The following GATA3 variants were observed in gnomAD, a reference collection of about 807,000 sequenced individuals.
GATA3 encodes trans-acting T-cell-specific transcription factor GATA-3.
A neutral mutation model predicts 36.0 loss-of-function variants in GATA3; 6 were observed. That is an observed-to-expected ratio of 0.17 (90% CI 0.09 to 0.33). The LOEUF is 0.33. Among genes scored for constraint, GATA3 ranks in the 10% least tolerant of loss-of-function variants. GATA3 has a pLI of 1.00. For missense variants in GATA3, 514 were observed against 610.1 expected (o/e 0.84, Z 1.66); for synonymous variants, 326 against 273.0 (o/e 1.19, Z -1.92).
chr10:8,050,062 C>A (rs553964889), upstream of GATA3, among the ~76,000 whole-genome samples: 25 of 152,296 alleles, frequency 1.6e-4, no homozygotes, highest in South Asian at 5.2e-3. Context: ...CCGCTTTCAT[C>A]TTGCCCCAGT....
chr10:8,048,781 C>A (rs1043501010), upstream of GATA3, among the ~76,000 whole-genome samples: 1 of 152,232 alleles, frequency 6.6e-6, no homozygotes, highest in African/African-American at 2.4e-5. Flanking sequence ...TTGTTAAACC[C>A]GAAAGCAGAA....
chr10:8,070,095 G>C (rs1832907001), intron 5 of GATA3, among the ~76,000 whole-genome samples: 1 of 152,184 alleles, frequency 6.6e-6, no homozygotes, highest in Non-Finnish European at 1.5e-5. Context: ...CTACAAATTT[G>C]AAATGGATCC....
chr10:8,069,887 GAAAA>G (rs5783010), intron 5 of GATA3, among the ~76,000 whole-genome samples: 1 of 146,822 alleles, frequency 6.8e-6, no homozygotes, highest in African/African-American at 2.5e-5. Flanking sequence ...GGTTTATAAG[GAAAA>G]AAAAAAAATC....
At chr10:8,050,876 C>T, upstream of GATA3, 1 of 449,508 alleles carries the variant, frequency 2.2e-6, no homozygotes. Context: ...AGGACTTCGA[C>T]CCCGGGGCTC....
Position 8,055,509 on chromosome 10 carries a change from G to A in GATA3, c.-147G>A, listed in dbSNP as rs1266382595. 1.2e-5 allele frequency: 10 copies of A among 868,802 alleles called. No individual in the cohort carries two copies. The highest frequency in any genetic ancestry group is 1.7e-5 in the African/African-American group (1 of 59,570). The allele number at this position is 868,802 out of a possible 1,614,324, so 53.8% of individuals were successfully genotyped here. A position where few individuals can be genotyped will look rare whatever the true frequency, so the allele number is the denominator to read the frequency against. ...CTCCTTTGCTCACCTTTGCTTCCCAGCCTTCCCATCCCCCCACCGAAAGCA... is the reference window on the plus strand; with the variant it reads ...CTCCTTTGCTCACCTTTGCTTCCCAACCTTCCCATCCCCCCACCGAAAGCA... On this transcript the variant is annotated 5_prime_UTR_variant, in exon 2 of 6. Coordinates refer to ENST00000379328, the MANE Select transcript of GATA3 (RefSeq NM_001002295.2). This position sits in a 1 kb window ranked among gnomAD's most constrained non-coding sequence, Gnocchi z 5.4.
At position 8,059,591 on chromosome 10, in the gene GATA3, G is replaced by A. The variant is rs148580673; in HGVS notation, c.778+750G>A. 1.2e-4 allele frequency among the ~76,000 whole-genome samples: 18 copies of A among 152,310 alleles called. No homozygotes were observed. The Middle Eastern group carries it at 0.01, about 86-fold the overall frequency. On this transcript the variant is annotated intron_variant, in intron 3 of 5. Transcript: ENST00000379328. ...GCTTGGCTGAGCTGCAGCCAGAGGA[G>A]GTAGAAAGGAACGGAAAAGTGCTCC...
chr10:8,059,205 G>A (rs1248986462), intron 3 of GATA3, among the ~76,000 whole-genome samples: 1 of 152,196 alleles, frequency 6.6e-6, no homozygotes, highest in African/African-American at 2.4e-5. Flanking sequence ...TAATTCTTGA[G>A]TGTTTCATGC....
In GATA3 at chr10:8,055,406, T is replaced by C; in HGVS notation, c.-250T>C. 2 of 576,962 alleles carry C rather than the reference T, an allele frequency of 3.5e-6. No homozygotes were observed. The highest frequency in any genetic ancestry group is 2.0e-5 in the South Asian group (1 of 49,538). 35.7% of individuals were successfully genotyped at this position (576,962 alleles called of 1,614,324 possible). A position where few individuals can be genotyped will look rare whatever the true frequency, so the allele number is the denominator to read the frequency against. On this transcript the variant is annotated 5_prime_UTR_variant, in exon 2 of 6. Coordinates refer to ENST00000379328, the MANE Select transcript of GATA3 (RefSeq NM_001002295.2). This position sits in a 1 kb window ranked among gnomAD's most constrained non-coding sequence, Gnocchi z 5.4. Reference sequence around the variant, plus strand: ...AACCTGGTCCCGTTTTATTCTGCCGTACCCAGTTTTTGGATTTTTGTCTTC... The same window carrying C: ...AACCTGGTCCCGTTTTATTCTGCCGCACCCAGTTTTTGGATTTTTGTCTTC...
chr10:8,046,706 T>C lies in GATA3; in HGVS notation c.-370+1191T>C, dbSNP rs184917081. Among the ~76,000 whole-genome samples the C allele has an allele frequency of 5.3e-3, 786 of 147,040 alleles. 8 individuals are homozygous for C. The highest frequency in any genetic ancestry group is 7.6e-3 in the Non-Finnish European group (504 of 66,208). On this transcript the variant is annotated intron_variant, in intron 1 of 1. Coordinates refer to the GATA3 transcript ENST00000643001. The stretch of plus-strand genomic sequence containing the variant: ...GTGTGTGTGTGTCAGGGGCTTACCA[T>C]GACATGTTTGTGCCATTCAGAAGAA...
At position 8,074,343 on chromosome 10, in the gene GATA3, T is replaced by C. The variant is rs1003189936; in HGVS notation, c.*320T>C. On this transcript the variant is annotated 3_prime_UTR_variant, in exon 6 of 6. Coordinates refer to ENST00000379328, the MANE Select transcript of GATA3 (RefSeq NM_001002295.2). ...AAGAAATACTGTACAATGACTTTAT[T>C]GCATCTGGGTAGCTGTAAGGCATGA... The C allele has an allele frequency of 1.5e-5, 5 of 338,412 alleles. No homozygotes were observed. The highest frequency in any genetic ancestry group is 8.3e-5 in the South Asian group (1 of 12,010). 21.0% of individuals were successfully genotyped at this position (338,412 alleles called of 1,614,324 possible).
In GATA3 at chr10:8,056,210, G is replaced by T. The variant is rs565755363; in HGVS notation, c.241+314G>T. ...TGCAGGTTTTGGGGTGGGGGGTCTC[G>T]GGATGTCCCCAAGCGCGGGGTGCCC... On this transcript the variant is annotated intron_variant, in intron 2 of 5. Transcript: ENST00000379328. Among the ~76,000 whole-genome samples, 17 of 152,144 alleles carry T rather than the reference G, an allele frequency of 1.1e-4. No homozygotes were observed. In the East Asian group the frequency reaches 3.1e-3, roughly 28 times the overall value.
In GATA3 at chr10:8,073,953, C is replaced by T. The variant is rs771315353; in HGVS notation, c.1265C>T (p.Pro422Leu). 22 of 1,614,028 alleles carry T rather than the reference C, an allele frequency of 1.4e-5. No individual in the cohort carries two copies. The highest frequency in any genetic ancestry group is 4.0e-5 in the African/African-American group (3 of 74,918). The part of the protein sequence containing the change: ...HSSHMLTTPT[P>L]MHPPSSLSFG... ...AGCCACATGCTGACCACGCCCACGC[C>T]GATGCACCCGCCATCCAGCCTGTCC... The change falls in exon 6 of 6, where the codon CCG (proline) becomes CTG (leucine). Residue 422 changes from proline (P) to leucine (L), a missense_variant. This residue lies in a region of GATA3 where 89 missense variants were observed against 104.2 expected (regional missense o/e 0.85). Transcript: ENST00000379328.
chr10:8,074,653 C>G lies in GATA3; in HGVS notation c.*630C>G, dbSNP rs1280817607. 3.4e-5 allele frequency: 8 copies of G among 233,662 alleles called. No homozygotes were observed. The highest frequency in any genetic ancestry group is 2.3e-4 in the Admixed American group (4 of 17,776). The allele number at this position is 233,662 out of a possible 1,614,324, so 14.5% of individuals were successfully genotyped here. The stretch of plus-strand genomic sequence containing the variant: ...AGTTGCCGTTGAGGGTTTCAGAGAG[C>G]CTTTTTCTAGGCCTACATGCTTTGT... On this transcript the variant is annotated 3_prime_UTR_variant, in exon 6 of 6. Coordinates refer to ENST00000379328, the MANE Select transcript of GATA3 (RefSeq NM_001002295.2).
chr10:8,074,288 A>T lies in GATA3; in HGVS notation c.*265A>T, dbSNP rs112619514. On this transcript the variant is annotated 3_prime_UTR_variant, in exon 6 of 6. Transcript: ENST00000379328. ...GGTCTCTAGTGCTGTGAAAAAAAAAATGCTGAACATTGCATATAACTTATA... is the reference window on the plus strand; with the variant it reads ...GGTCTCTAGTGCTGTGAAAAAAAAATTGCTGAACATTGCATATAACTTATA... 1 of 505,826 alleles carries T rather than the reference A, an allele frequency of 2.0e-6. No individual in the cohort carries two copies. The highest frequency in any genetic ancestry group is 3.5e-6 in the Non-Finnish European group (1 of 286,254). The allele number at this position is 505,826 out of a possible 1,614,324, so 31.3% of individuals were successfully genotyped here. A position where few individuals can be genotyped will look rare whatever the true frequency, so the allele number is the denominator to read the frequency against.
chr10:8,064,311 CTTTTTTT>C (rs59943653), intron 4 of GATA3, among the ~76,000 whole-genome samples, 173 bp downstream of exon 4: 9 of 51,450 alleles, frequency 1.7e-4, no homozygotes, highest in Middle Eastern at 0.011. Flanking sequence ...TCTTCTTCTT[CTTTTTTT>C]TTTTTTTTTT....
At chr10:8,051,841 G>A (rs1183756888), upstream of GATA3, among the ~76,000 whole-genome samples, 3 of 150,476 alleles carry the variant, frequency 2.0e-5, 1 homozygote, top group African/African-American at 4.9e-5. Flanking sequence ...GGCCTGGCCC[G>A]GACCCCCGCA....
intron 3 of GATA3, 140 bp downstream of exon 3, chr10:8,058,981 G>T: frequency 2.6e-6 from 2 of 777,526 alleles, no homozygotes; most frequent in Non-Finnish European, 4.1e-6. Flanking sequence ...CATTCTTCCT[G>T]CCGGGAAGGC....
intron 4 of GATA3, 21 bp downstream of exon 4, chr10:8,064,159 G>T: frequency 6.2e-7 from 1 of 1,614,066 alleles, no homozygotes. Context: ...GGGAAGGGAT[G>T]GATTCCATGC....
intron 1 of GATA3, among the ~76,000 whole-genome samples, chr10:8,048,295 C>T (rs1216617545): frequency 2.0e-5 from 3 of 152,160 alleles, no homozygotes; most frequent in Admixed American, 6.5e-5. Flanking sequence ...CAGGTGACTC[C>T]GACTGGCCAG....
Sources: allele counts gnomAD v4.1 joint callset (sites outside exome capture counted in the v4.1 genomes callset), GRCh38; gene constraint gnomAD v4.1.1; regional missense constraint gnomAD v4.1.1; non-coding constraint Gnocchi (gnomAD v3.1); transcripts MANE v1.5; gene names NCBI Gene and HGNC (gene_info 2026-07-23, HGNC 2026-07-21).